The following ACSL3 variants were observed in gnomAD, a reference collection of about 807,000 sequenced individuals.
ACSL3 encodes the protein acyl-CoA synthetase long chain family member 3.
ACSL3 carries 34 observed loss-of-function variants against 84.7 expected under a neutral mutation model. The observed-to-expected ratio is 0.40, with a 90% CI of 0.31 to 0.53. The LOEUF (loss-of-function observed/expected upper bound fraction) is 0.53, where lower values mean the gene tolerates loss of function less well. ACSL3 is among the 20% of genes least tolerant of loss of function. The probability of loss-of-function intolerance (pLI) is 0.48; values close to 1 mark genes in which losing one functional copy is unlikely to be tolerated. For missense variants in ACSL3, 680 were observed against 873.1 expected (o/e 0.78, Z 2.79); for synonymous variants, 315 against 299.4 (o/e 1.05, Z -0.54).
chr2:222,888,905 G>A (rs748091946), intron 2 of ACSL3, among the ~76,000 whole-genome samples: 11 of 152,124 alleles, frequency 7.2e-5, no homozygotes, highest in African/African-American at 2.4e-4. Context: ...CTGTGCCTGC[G>A]TCTCTTTGAG....
At chr2:222,924,752 G>A (rs548301761) in intron 11 of ACSL3, among the ~76,000 whole-genome samples, 157 bp downstream of exon 11, 2 of 152,274 alleles carry the variant, frequency 1.3e-5, no homozygotes, top group African/African-American at 4.8e-5. Context: ...GGCCAGGCGC[G>A]GTGGCTCATG....
intron 3 of ACSL3, among the ~76,000 whole-genome samples, chr2:222,907,191 A>G (rs1018575643): frequency 2.0e-5 from 3 of 152,146 alleles, no homozygotes; most frequent in Non-Finnish European, 4.4e-5. Context: ...CCTCTGCTTT[A>G]CAAGAGGTGA....
intron 15 of ACSL3, 74 bp from the exon 16 acceptor site, chr2:222,934,456 G>A: frequency 1.6e-6 from 2 of 1,238,816 alleles, no homozygotes; most frequent in Admixed American, 3.7e-5. Context: ...TTTACTACTT[G>A]TCACTGTAAT....
intron 3 of ACSL3, among the ~76,000 whole-genome samples, chr2:222,903,118 T>C (rs954000911): frequency 6.6e-6 from 1 of 152,116 alleles, no homozygotes; most frequent in African/African-American, 2.4e-5. Flanking sequence ...TGTCATGAAA[T>C]AGACGTAAAA....
At chr2:222,934,712 T>C in intron 16 of ACSL3, 25 bp downstream of exon 16, 1 of 1,599,104 alleles carries the variant, frequency 6.3e-7, no homozygotes, top group Non-Finnish European at 8.5e-7. Context: ...AAACTGATAC[T>C]AAAAACTGAG....
At chr2:222,883,647 G>A (rs1695648022) in intron 1 of ACSL3, among the ~76,000 whole-genome samples, 1 of 152,118 alleles carries the variant, frequency 6.6e-6, no homozygotes, top group Admixed American at 6.6e-5. Context: ...ATATTGCAGT[G>A]TGCTTTAGGA....
chr2:222,917,816 A>G (rs1427805060), intron 5 of ACSL3: 15 of 318,874 alleles, frequency 4.7e-5, no homozygotes, highest in Non-Finnish European at 7.3e-5. Flanking sequence ...ATAAAAATTT[A>G]AATATCTTCA....
chr2:222,940,276 TA>T (rs1416683785), intron 16 of ACSL3, among the ~76,000 whole-genome samples: 1 of 152,188 alleles, frequency 6.6e-6, no homozygotes, highest in African/African-American at 2.4e-5. Flanking sequence ...TAAACTTTAT[TA>T]TTTTTTAATT....
intron 10 of ACSL3, among the ~76,000 whole-genome samples, 155 bp from the exon 11 acceptor site, chr2:222,924,301 A>G (rs1184986977): frequency 6.6e-6 from 1 of 152,228 alleles, no homozygotes; most frequent in Non-Finnish European, 1.5e-5. Flanking sequence ...AAAAATTCAC[A>G]AAAGGTTTTT....
chr2:222,868,969 C>CA (rs113574316), intron 1 of ACSL3, among the ~76,000 whole-genome samples: 20,982 of 114,550 alleles, frequency 0.18, 1,686 homozygotes, highest in African/African-American at 0.26. Flanking sequence ...GACGCTGTCT[C>CA]AAAAAAAAAA....
Position 222,900,788 on chromosome 2 carries a change from ATTAC to A in ACSL3, c.-41+11_-41+14del, listed in dbSNP as rs1696123633. 6.6e-6 allele frequency: 1 copy of A among 152,186 alleles called. No individual in the cohort carries two copies. The highest frequency in any genetic ancestry group is 2.4e-5 in the African/African-American group (1 of 41,420). The allele number at this position is 152,186 out of a possible 1,614,324, so 9.4% of individuals were successfully genotyped here. On this transcript the variant is annotated intron_variant, in intron 3 of 16. Coordinates refer to ENST00000357430, the MANE Select transcript of ACSL3 (RefSeq NM_004457.5). Reference sequence around the variant, plus strand: ...GCCTCTTGATCGAGGAAGGTAAAGAATTACTTTCACTGATTTTTATCTAATTTCT... The same window carrying A: ...GCCTCTTGATCGAGGAAGGTAAAGAATTTCACTGATTTTTATCTAATTTCT...
At chr2:222,892,775 C>T (rs1464296229) in intron 2 of ACSL3, among the ~76,000 whole-genome samples, 1 of 152,110 alleles carries the variant, frequency 6.6e-6, no homozygotes, top group Non-Finnish European at 1.5e-5. Flanking sequence ...TCCTACCTTA[C>T]CTGCTAGCTG....
chr2:222,878,249 A>C (rs1178510868), intron 1 of ACSL3, among the ~76,000 whole-genome samples: 3 of 152,226 alleles, frequency 2.0e-5, no homozygotes, highest in African/African-American at 4.8e-5. Flanking sequence ...AATGACCAGT[A>C]TATACTTATT....
chr2:222,928,701 GGCC>G (rs557314890), intron 12 of ACSL3, among the ~76,000 whole-genome samples, 158 bp from the exon 13 acceptor site: 54 of 151,142 alleles, frequency 3.6e-4, no homozygotes, highest in South Asian at 1.7e-3. Flanking sequence ...CGACTCTACA[GGCC>G]TCACGGCCTG....
At chr2:222,899,569 C>A (rs896490564) in intron 2 of ACSL3, among the ~76,000 whole-genome samples, 7 of 152,054 alleles carry the variant, frequency 4.6e-5, no homozygotes, top group African/African-American at 1.7e-4. Context: ...TCGGATCTTG[C>A]GCAAGAAAGA....
intron 11 of ACSL3, among the ~76,000 whole-genome samples, chr2:222,926,267 T>A (rs982232880): frequency 6.6e-6 from 1 of 152,234 alleles, no homozygotes; most frequent in Non-Finnish European, 1.5e-5. Flanking sequence ...CCGTTTTATA[T>A]AAGGGACTTA....
intron 4 of ACSL3, among the ~76,000 whole-genome samples, chr2:222,912,818 CT>C (rs1696481403): frequency 6.6e-6 from 1 of 152,130 alleles, no homozygotes; most frequent in Non-Finnish European, 1.5e-5. Flanking sequence ...ACAAAAGGCA[CT>C]TGGTTGCTTG....
chr2:222,932,151 T>C (rs34403932), intron 14 of ACSL3, among the ~76,000 whole-genome samples: 10,119 of 152,274 alleles, frequency 0.066, 441 homozygotes, highest in Middle Eastern at 0.11. Flanking sequence ...GTAGTACCAA[T>C]GTATTGAAGT....
chr2:222,909,512 G>T, intron 4 of ACSL3: 1 of 193,944 alleles, frequency 5.2e-6, no homozygotes, highest in Non-Finnish European at 1.0e-5. Flanking sequence ...GCTTAGATGT[G>T]GGTTGCAGTG....
Sources: gnomAD v4.1 joint callset for allele counts (sites outside exome capture counted in the v4.1 genomes callset) on GRCh38, gnomAD v4.1.1 for gene constraint, MANE v1.5 for transcripts, NCBI Gene and HGNC (gene_info 2026-07-23, HGNC 2026-07-21) for gene names.